The following SUSD6 variants were observed in gnomAD, a reference collection of about 807,000 sequenced individuals.
SUSD6 encodes sushi domain containing 6, also known as sushi domain-containing protein 6.
SUSD6 carries 16 observed loss-of-function variants against 28.4 expected under a neutral mutation model. The ratio of observed to expected loss-of-function variants is 0.56; its 90% confidence interval spans 0.38 to 0.86. The LOEUF (loss-of-function observed/expected upper bound fraction) is 0.86, where lower values mean the gene tolerates loss of function less well. Ranked by LOEUF, SUSD6 falls within the 40% of genes least tolerant of loss-of-function variation. The pLI is 0.00. For synonymous variants in SUSD6, 147 were observed against 159.6 expected (o/e 0.92, Z 0.59); for missense variants, 341 against 384.2 (o/e 0.89, Z 0.94).
rs1886499185 is a variant in SUSD6, at chr14:69,713,494, T to TA, written c.*2516dup. ...GTCTGTGACAGCTTCTTCCTCCAGT[T>TA]ATGTCTTTCTTCCAAAGCAATTTCT... On this transcript the variant is annotated 3_prime_UTR_variant, in exon 6 of 6. Coordinates refer to ENST00000342745, the MANE Select transcript of SUSD6 (RefSeq NM_014734.4). 1 of 152,346 alleles carries TA rather than the reference T, an allele frequency of 6.6e-6. No individual in the cohort carries two copies. Among genetic ancestry groups the TA allele is most frequent in the Non-Finnish European group, 1.5e-5 (1 of 68,132 alleles). 9.4% of individuals were successfully genotyped at this position (152,346 alleles called of 1,614,324 possible). A position where few individuals can be genotyped will look rare whatever the true frequency, so the allele number is the denominator to read the frequency against.
chr14:69,675,597 G>A (rs1175586581), intron 2 of SUSD6, among the ~76,000 whole-genome samples: 2 of 151,694 alleles, frequency 1.3e-5, no homozygotes, highest in African/African-American at 4.9e-5. Flanking sequence ...ACCACTTGAT[G>A]TCAGAGAAAT....
chr14:69,682,156 G>T (rs1886005645), intron 2 of SUSD6, among the ~76,000 whole-genome samples: 1 of 151,968 alleles, frequency 6.6e-6, no homozygotes, highest in Admixed American at 6.6e-5. Context: ...ATACAGCGAG[G>T]CCCCATCTCT....
intron 1 of SUSD6, among the ~76,000 whole-genome samples, chr14:69,645,510 C>G (rs552074743): frequency 8.5e-5 from 13 of 152,282 alleles, no homozygotes; most frequent in African/African-American, 2.9e-4. Flanking sequence ...CCAACTTTTA[C>G]CTAGCTTTTG....
chr14:69,639,956 GTTTTTTTTTT>G (rs11463756), intron 1 of SUSD6, among the ~76,000 whole-genome samples: 3 of 81,640 alleles, frequency 3.7e-5, no homozygotes, highest in Non-Finnish European at 2.2e-5. Flanking sequence ...CACCTACACT[GTTTTTTTTTT>G]TTTTTTTTTT....
chr14:69,618,681 C>T (rs867909150), intron 1 of SUSD6, among the ~76,000 whole-genome samples: 1 of 151,762 alleles, frequency 6.6e-6, no homozygotes, highest in African/African-American at 2.4e-5. Flanking sequence ...AAGTTCCCTC[C>T]TGTGTGTGTG....
At chr14:69,634,967 A>G (rs1237319262) in intron 1 of SUSD6, among the ~76,000 whole-genome samples, 1 of 152,212 alleles carries the variant, frequency 6.6e-6, no homozygotes, top group Non-Finnish European at 1.5e-5. Flanking sequence ...CAGCTAGTAA[A>G]TACTATGGCC....
chr14:69,706,102 TTTTC>T (rs1216003179), intron 4 of SUSD6, among the ~76,000 whole-genome samples: 14 of 152,138 alleles, frequency 9.2e-5, no homozygotes, highest in African/African-American at 3.4e-4. Flanking sequence ...CTATGTGTGA[TTTTC>T]TTTCTTTTAT....
intron 1 of SUSD6, among the ~76,000 whole-genome samples, chr14:69,650,311 C>T (rs372796718): frequency 1.3e-5 from 2 of 152,132 alleles, no homozygotes; most frequent in South Asian, 4.1e-4. Flanking sequence ...CTACATGTCT[C>T]ACGTTTGTCT....
intron 2 of SUSD6, among the ~76,000 whole-genome samples, chr14:69,670,061 A>C (rs1022887873): frequency 1.3e-5 from 2 of 152,184 alleles, no homozygotes; most frequent in Non-Finnish European, 2.9e-5. Context: ...GGGTTTTGGT[A>C]GGGTTGCTGT....
At chr14:69,668,281 G>A (rs993363628) in intron 2 of SUSD6, among the ~76,000 whole-genome samples, 16 of 152,306 alleles carry the variant, frequency 1.1e-4, no homozygotes, top group African/African-American at 3.6e-4. Flanking sequence ...CCTTTAGCTT[G>A]GGTGAGGATT....
Position 69,611,716 on chromosome 14 carries a change from C to T in SUSD6, c.-193C>T, listed in dbSNP as rs931967597. 3 of 151,118 alleles carry T rather than the reference C, an allele frequency of 2.0e-5. No individual in the cohort carries two copies. The highest frequency in any genetic ancestry group is 7.3e-5 in the African/African-American group (3 of 41,312). 9.4% of individuals were successfully genotyped at this position (151,118 alleles called of 1,614,324 possible). ...TGCCCACAGCGCCGGCCAGAGCGAG[C>T]TAGACAAGGGCACGCGGGGCCTCGC... On this transcript the variant is annotated 5_prime_UTR_variant, in exon 1 of 6. Transcript: ENST00000342745.
chr14:69,708,570 A>C lies in SUSD6; in HGVS notation c.459-107A>C, dbSNP rs367595276. 1.2e-5 allele frequency: 11 copies of C among 906,444 alleles called. No individual in the cohort carries two copies. In the East Asian group the frequency reaches 1.3e-4, roughly 11 times the overall value. 56.2% of individuals were successfully genotyped at this position (906,444 alleles called of 1,614,324 possible). A position where few individuals can be genotyped will look rare whatever the true frequency, so the allele number is the denominator to read the frequency against. On this transcript the variant is annotated intron_variant, in intron 4 of 5. Coordinates refer to ENST00000342745, the MANE Select transcript of SUSD6 (RefSeq NM_014734.4). ...TAAAATTCCTAGTGCTTTGCCTGGC[A>C]CATAGTAAGTGCTCAAAAATGGTGG...
At chr14:69,635,717 C>A (rs1885256390) in intron 1 of SUSD6, among the ~76,000 whole-genome samples, 1 of 152,148 alleles carries the variant, frequency 6.6e-6, no homozygotes, top group African/African-American at 2.4e-5. Context: ...ATTATAACCC[C>A]TTTGTTGTAC....
intron 2 of SUSD6, among the ~76,000 whole-genome samples, chr14:69,692,697 A>T (rs1427598572): frequency 6.6e-6 from 1 of 152,158 alleles, no homozygotes; most frequent in South Asian, 2.1e-4. Context: ...TGTACTTGGC[A>T]TTAGGAGTTA....
rs367756661 is a variant in SUSD6 at position 69,644,519 on chromosome 14, G to A, written c.-80-13994G>A. 1.6e-3 allele frequency among the ~76,000 whole-genome samples: 246 copies of A among 152,134 alleles called. 4 individuals are homozygous for A. The South Asian group carries it at 0.048, about 29-fold the overall frequency. On this transcript the variant is annotated intron_variant, in intron 1 of 5. Transcript: ENST00000342745. ...AGAAAAATTAGCTGGGCTTGGGGGC[G>A]TGTGCCTGTAGTCCCAGCTACTCGG...
intron 1 of SUSD6, among the ~76,000 whole-genome samples, chr14:69,655,693 G>A (rs1885572154): frequency 6.6e-6 from 1 of 151,958 alleles, no homozygotes. Flanking sequence ...CCAGCTGCTT[G>A]GGATGCTGAA....
intron 1 of SUSD6, among the ~76,000 whole-genome samples, chr14:69,619,493 G>T (rs1885004779): frequency 6.6e-6 from 1 of 152,012 alleles, no homozygotes; most frequent in Non-Finnish European, 1.5e-5. Context: ...TGGTACGGTG[G>T]CTCACACCTG....
chr14:69,663,826 A>G (rs1224864218), intron 2 of SUSD6, among the ~76,000 whole-genome samples: 1 of 152,008 alleles, frequency 6.6e-6, no homozygotes, highest in African/African-American at 2.4e-5. Flanking sequence ...CTTCACTGAG[A>G]CCTGTTTTTT....
intron 2 of SUSD6, among the ~76,000 whole-genome samples, chr14:69,684,755 T>G: frequency 6.6e-6 from 1 of 152,230 alleles, no homozygotes; most frequent in Non-Finnish European, 1.5e-5. Flanking sequence ...GAGGCTCCAC[T>G]GTTAGCCTTG....
Sources: gnomAD v4.1 joint callset for allele counts (sites outside exome capture counted in the v4.1 genomes callset) on GRCh38, gnomAD v4.1.1 for gene constraint, MANE v1.5 for transcripts, NCBI Gene and HGNC (gene_info 2026-07-23, HGNC 2026-07-21) for gene names.